PREX2: variants seen among roughly 807,000 people sequenced by gnomAD.
PREX2 encodes phosphatidylinositol-3,4,5-trisphosphate dependent Rac exchange factor 2, also known as phosphatidylinositol 3,4,5-trisphosphate-dependent Rac exchanger 2 protein.
In PREX2, 107 loss-of-function variants were observed where a neutral mutation model predicts 203.2. The ratio of observed to expected loss-of-function variants is 0.53; its 90% CI spans 0.45 to 0.62. PREX2 has a LOEUF of 0.62. Ranked by LOEUF, PREX2 falls within the 20% of genes least tolerant of loss-of-function variation. The pLI is 0.00. For missense variants in PREX2, 1,777 were observed against 1,955.9 expected (o/e 0.91, Z 1.72); for synonymous variants, 672 against 663.6 (o/e 1.01, Z -0.19).
chr8:68,037,712 G>A (rs1040175112), intron 6 of PREX2, among the ~76,000 whole-genome samples: 1 of 152,018 alleles, frequency 6.6e-6, no homozygotes, highest in Non-Finnish European at 1.5e-5. Context: ...CTCCATCCTA[G>A]GGGTGGATAT....
chr8:68,061,465 G>A (rs6993547), intron 11 of PREX2, among the ~76,000 whole-genome samples: 4 of 152,096 alleles, frequency 2.6e-5, no homozygotes, highest in Non-Finnish European at 4.4e-5. Flanking sequence ...TCAAGACTGC[G>A]AGCACTAGGC....
intron 6 of PREX2, among the ~76,000 whole-genome samples, chr8:68,030,873 G>A (rs1807863150): frequency 6.6e-6 from 1 of 151,996 alleles, no homozygotes; most frequent in South Asian, 2.1e-4. Flanking sequence ...ATAAGTTTGT[G>A]ATGGAGCCAA....
intron 23 of PREX2, chr8:68,106,419 A>G: frequency 2.2e-6 from 1 of 458,396 alleles, no homozygotes. Context: ...AATGTTTAGG[A>G]TAAATTTTCA....
intron 35 of PREX2, among the ~76,000 whole-genome samples, chr8:68,168,499 T>A (rs1811807011): frequency 6.6e-6 from 1 of 152,198 alleles, no homozygotes; most frequent in Admixed American, 6.6e-5. Flanking sequence ...AAATGTACAA[T>A]CTCCAGTACA....
At chr8:68,166,384 G>A (rs1190973876) in intron 35 of PREX2, among the ~76,000 whole-genome samples, 2 of 152,138 alleles carry the variant, frequency 1.3e-5, no homozygotes, top group Non-Finnish European at 2.9e-5. Flanking sequence ...CTAAAAGGAA[G>A]AAACGAAAGC....
intron 1 of PREX2, among the ~76,000 whole-genome samples, chr8:67,997,582 T>C (rs746452953): frequency 3.9e-5 from 6 of 152,196 alleles, no homozygotes; most frequent in Non-Finnish European, 5.9e-5. Context: ...CCCAAGATTG[T>C]TTTGCCCATT....
chr8:68,132,870 A>C, intron 31 of PREX2, among the ~76,000 whole-genome samples: 1 of 152,168 alleles, frequency 6.6e-6, no homozygotes, highest in East Asian at 1.9e-4. Context: ...GTTTGTATAT[A>C]TCCAACCACC....
At chr8:67,989,648 C>T (rs1236855914) in intron 1 of PREX2, among the ~76,000 whole-genome samples, 4 of 152,114 alleles carry the variant, frequency 2.6e-5, no homozygotes, top group South Asian at 2.1e-4. Flanking sequence ...TTTACCTTAG[C>T]GATTTAAAGT....
In PREX2 at chr8:68,109,619, G is replaced by C; in HGVS notation, c.3142G>C (p.Asp1048His). 1 of 1,613,344 alleles carries C rather than the reference G, an allele frequency of 6.2e-7. No homozygotes were observed. The highest frequency in any genetic ancestry group is 8.5e-7 in the Non-Finnish European group (1 of 1,179,370). The change falls in exon 25 of 40, where the codon GAT (aspartate) becomes CAT (histidine). Residue 1048 changes from aspartate to histidine, a missense_variant. By Grantham distance (81) the Asp-to-His change is moderately conservative (BLOSUM62 -1). Transcript: ENST00000288368. ...GGTGGAGATGTGTGTTTGTCAAATA[G>C]ATGAGTAAGTGTTTTGTACTACACT... The part of the protein sequence containing the change: ...KEVEMCVCQI[D>H]DLLSSITYSP...
intron 34 of PREX2, among the ~76,000 whole-genome samples, chr8:68,153,040 G>A (rs954124733): frequency 2.6e-5 from 4 of 152,136 alleles, no homozygotes; most frequent in African/African-American, 9.7e-5. Context: ...TGTCATAAAT[G>A]ACTCCATTTC....
At chr8:68,191,693 A>G (rs773668733) in intron 35 of PREX2, 29 bp from the exon 36 acceptor site, 3 of 1,518,754 alleles carry the variant, frequency 2.0e-6, no homozygotes, top group Non-Finnish European at 1.8e-6. Flanking sequence ...CTAACAACAA[A>G]TGATAATTTA....
chr8:68,077,061 G>C (rs138711904), intron 14 of PREX2, among the ~76,000 whole-genome samples: 32 of 152,236 alleles, frequency 2.1e-4, no homozygotes, highest in Middle Eastern at 3.4e-3. Context: ...TTTCCCTGTT[G>C]CATAATTGGA....
chr8:67,991,472 C>T (rs1806605727), intron 1 of PREX2, among the ~76,000 whole-genome samples: 1 of 152,160 alleles, frequency 6.6e-6, no homozygotes, highest in African/African-American at 2.4e-5. Flanking sequence ...AACTTACAAT[C>T]ATGGCGGAAG....
At chr8:67,990,510 T>A (rs558524544) in intron 1 of PREX2, among the ~76,000 whole-genome samples, 10 of 148,464 alleles carry the variant, frequency 6.7e-5, no homozygotes, top group African/African-American at 1.5e-4. Context: ...TTTTTTTTTT[T>A]AATTTTTAAT....
intron 1 of PREX2, among the ~76,000 whole-genome samples, chr8:67,964,019 G>A (rs954310983): frequency 2.0e-5 from 3 of 152,168 alleles, no homozygotes; most frequent in African/African-American, 7.2e-5. Context: ...GGGGGTGAGA[G>A]CCAGGCCTCA....
intron 39 of PREX2, among the ~76,000 whole-genome samples, chr8:68,229,976 T>G (rs1813134414): frequency 6.6e-6 from 1 of 152,244 alleles, no homozygotes; most frequent in South Asian, 2.1e-4. Flanking sequence ...CTGGGAAGGA[T>G]GAAATAAGCT....
At chr8:68,038,044 C>G in intron 6 of PREX2, 115 bp from the exon 7 acceptor site, 1 of 1,095,280 alleles carries the variant, frequency 9.1e-7, no homozygotes, top group Non-Finnish European at 1.3e-6. Context: ...GCACTTTAGC[C>G]TGTGCATAGC....
intron 39 of PREX2, among the ~76,000 whole-genome samples, chr8:68,229,154 G>A (rs1233359662): frequency 6.6e-6 from 1 of 151,876 alleles, no homozygotes; most frequent in Non-Finnish European, 1.5e-5. Context: ...GTGTAGAAAG[G>A]TGAAAGGCAC....
intron 3 of PREX2, among the ~76,000 whole-genome samples, chr8:68,019,873 A>G (rs1285713580): frequency 2.0e-5 from 3 of 152,200 alleles, no homozygotes; most frequent in African/African-American, 7.2e-5. Flanking sequence ...ACTGAAGAAT[A>G]AACAGCCTTT....
Sources: allele counts gnomAD v4.1 joint callset (sites outside exome capture counted in the v4.1 genomes callset), GRCh38; gene constraint gnomAD v4.1.1; transcripts MANE v1.5; gene names NCBI Gene and HGNC (gene_info 2026-07-23, HGNC 2026-07-21).